Variants in ATP1A3 observed in about 807,000 individuals in gnomAD.
ATP1A3 encodes the protein sodium/potassium-transporting ATPase subunit alpha-3.
ATP1A3 carries 12 observed loss-of-function variants against 108.8 expected under a neutral mutation model. The observed-to-expected ratio is 0.11, with a 90% CI of 0.07 to 0.18. ATP1A3 has a LOEUF of 0.18. ATP1A3 is among the 10% of genes least tolerant of loss of function. The pLI is 1.00. For missense variants in ATP1A3, 498 were observed against 1,387.7 expected (o/e 0.36, Z 10.19); for synonymous variants, 539 against 564.5 (o/e 0.95, Z 0.64).
rs1599715698 is a variant in ATP1A3 at position 41,978,459 on chromosome 19, T to C, written c.1631-133A>G. The C allele has an allele frequency of 1.4e-6, 2 of 1,451,220 alleles. No individual in the cohort carries two copies. The highest frequency in any genetic ancestry group is 1.9e-6 in the Non-Finnish European group (2 of 1,060,268). 89.9% of individuals were successfully genotyped at this position (1,451,220 alleles called of 1,614,324 possible). ...GCCAGTCAGCATTCATTTCCTAGGA[T>C]ACCTTCCCCTCTCATCCATCCATTC... On this transcript the variant is annotated intron_variant, in intron 12 of 22. Coordinates refer to ENST00000648268, the MANE Select transcript of ATP1A3 (RefSeq NM_152296.5). This position sits in a 1 kb window ranked among gnomAD's most constrained non-coding sequence, Gnocchi z 8.3.
At position 41,984,066 on chromosome 19, in the gene ATP1A3, C is replaced by T. The variant is rs367952055; in HGVS notation, c.993+852G>A. 9.9e-5 allele frequency among the ~76,000 whole-genome samples: 15 copies of T among 152,086 alleles called. No homozygotes were observed. The South Asian group carries it at 2.3e-3, about 23-fold the overall frequency. On this transcript the variant is annotated intron_variant, in intron 8 of 22. Coordinates refer to ENST00000648268, the MANE Select transcript of ATP1A3 (RefSeq NM_152296.5). ...TTGGGACTACAGGCATGAGCCACTG[C>T]GCCCAGCCTTCACATTTTTTGGTAG...
At chr19:41,993,518 CACACA>C in intron 1 of ATP1A3, 1 of 1,191,282 alleles carries the variant, frequency 8.4e-7, no homozygotes, top group South Asian at 1.5e-5. Flanking sequence ...CACACACACA[CACACA>C]CACACACACA....
chr19:41,967,873 A>G lies in ATP1A3; in HGVS notation c.2820-110T>C. ...CAGACACCCAGAGACAGCAGCACAG[A>G]CACAGAGACAGAGAGGCAGAGACAT... On this transcript the variant is annotated intron_variant, in intron 20 of 22. Coordinates refer to ENST00000648268, the MANE Select transcript of ATP1A3 (RefSeq NM_152296.5). This position sits in a 1 kb window ranked among gnomAD's most constrained non-coding sequence, Gnocchi z 4.2. The G allele has an allele frequency of 1.1e-6, 1 of 898,298 alleles. No homozygotes were observed. The highest frequency in any genetic ancestry group is 1.8e-6 in the Non-Finnish European group (1 of 549,912). The allele number at this position is 898,298 out of a possible 1,614,324, so 55.6% of individuals were successfully genotyped here.
Position 41,970,270 on chromosome 19 carries a change from G to T in ATP1A3, c.2457C>A (p.Ser819Arg). 1 of 1,614,166 alleles carries T rather than the reference G, an allele frequency of 6.2e-7. No individual in the cohort carries two copies. ...AISLAYEAAE[S>R]DIMKRQPRNP... is the part of the protein sequence containing the mutation. ...TCCTGGGCTGTCTCTTCATGATGTC[G>T]CTTTCGGCAGCCTCGTACGCCAGTG... is the stretch of plus-strand genomic sequence containing the variant. Residue 819 changes from serine to arginine, a missense_variant, in exon 18 of 23, where the codon AGC (serine) becomes AGA (arginine). Ser to Arg is a moderately radical substitution (Grantham distance 110, BLOSUM62 -1). This residue lies in a region of ATP1A3 where 121 missense variants were observed against 425.1 expected (regional missense o/e 0.28). Coordinates refer to ENST00000648268, the MANE Select transcript of ATP1A3 (RefSeq NM_152296.5).
chr19:41,971,566 G>T (rs1290439684), intron 16 of ATP1A3, among the ~76,000 whole-genome samples: 3 of 152,134 alleles, frequency 2.0e-5, no homozygotes, highest in African/African-American at 7.2e-5. Flanking sequence ...ATACTACACA[G>T]CAAGAAGGGG....
intron 8 of ATP1A3, among the ~76,000 whole-genome samples, chr19:41,982,956 A>G (rs1369023177): frequency 6.6e-6 from 1 of 152,232 alleles, no homozygotes; most frequent in East Asian, 1.9e-4. Flanking sequence ...GTTGCAGCTG[A>G]CGTGATTCTG....
At position 41,968,762 on chromosome 19, in the gene ATP1A3, C is replaced by A. The variant is rs1555859137; in HGVS notation, c.2819+23G>T. 6.2e-7 allele frequency: 1 copy of A among 1,613,568 alleles called. No individual in the cohort carries two copies. Among genetic ancestry groups the A allele is most frequent in the South Asian group, 1.1e-5 (1 of 91,074 alleles). ...CGGACAGGACAGATGGCTGTCCAGT[C>A]ACCATGTGCCCCCGGCCCTCACTTC... On this transcript the variant is annotated intron_variant, in intron 20 of 22. Transcript: ENST00000648268. This position sits in a 1 kb window ranked among gnomAD's most constrained non-coding sequence, Gnocchi z 5.0.
Position 41,966,806 on chromosome 19 carries a change from G to C in ATP1A3, c.*131C>G. On this transcript the variant is annotated 3_prime_UTR_variant, in exon 23 of 23. Coordinates refer to ENST00000648268, the MANE Select transcript of ATP1A3 (RefSeq NM_152296.5). ...GTGGGGGCGGCAGGAGATAGTGGAG[G>C]GGGTGGGGGCCAAGGTGGGGCCACA... The C allele has an allele frequency of 1.3e-6, 2 of 1,537,230 alleles. No individual in the cohort carries two copies. Among genetic ancestry groups the C allele is most frequent in the Non-Finnish European group, 1.8e-6 (2 of 1,137,576 alleles).
chr19:41,988,544 C>T lies in ATP1A3; in HGVS notation c.25G>A (p.Asp9Asn), dbSNP rs2075307477. Residue 9 changes from aspartate (D) to asparagine (N), a missense_variant, in exon 2 of 23, where the codon GAC becomes AAC. Transcript: ENST00000648268. This position sits in a 1 kb window ranked among gnomAD's most constrained non-coding sequence, Gnocchi z 5.3. Reference protein sequence around the residue: MGDKKDDKDSPKKNKGKER... With the variant: MGDKKDDKNSPKKNKGKER... ...TTGCCCTTGTTCTTCTTGGGTGAGT[C>T]CTTGTCATCTTTCTTGTCCTGCGAG... The T allele has an allele frequency of 1.2e-6, 2 of 1,614,156 alleles. No homozygotes were observed. The highest frequency in any genetic ancestry group is 1.7e-6 in the Non-Finnish European group (2 of 1,180,038).
chr19:41,977,762 T>G (rs1367947100), intron 14 of ATP1A3, among the ~76,000 whole-genome samples, 174 bp downstream of exon 14: 2 of 152,142 alleles, frequency 1.3e-5, no homozygotes, highest in African/African-American at 4.8e-5. Context: ...CCTGGCTACC[T>G]CTGTGGCTGC....
In ATP1A3 at chr19:41,988,969, A is replaced by G. The variant is rs1204057139; in HGVS notation, c.7-407T>C. ...GACTTTGTTTTCGTTTTTTGAAACA[A>G]TGTCTCACTCTGATGCCCAGGCTGG... On this transcript the variant is annotated intron_variant, in intron 1 of 22. Coordinates refer to ENST00000648268, the MANE Select transcript of ATP1A3 (RefSeq NM_152296.5). This position sits in a 1 kb window ranked among gnomAD's most constrained non-coding sequence, Gnocchi z 5.3. Among the ~76,000 whole-genome samples, 1 of 152,086 alleles carries G rather than the reference A, an allele frequency of 6.6e-6. No individual in the cohort carries two copies. Among genetic ancestry groups the G allele is most frequent in the Admixed American group, 6.5e-5 (1 of 15,268 alleles).
At position 41,981,644 on chromosome 19, in the gene ATP1A3, G is replaced by C. The variant is rs1555863403; in HGVS notation, c.1303-8C>G. 1 of 1,614,196 alleles carries C rather than the reference G, an allele frequency of 6.2e-7. No individual in the cohort carries two copies. Among genetic ancestry groups the C allele is most frequent in the South Asian group, 1.1e-5 (1 of 91,082 alleles). The stretch of plus-strand genomic sequence containing the variant: ...ATCCCCAGCCACATCCCTCTGCAAG[G>C]AGAAAGGGTTGTCAGAACAGGGACA... On this transcript the variant is annotated splice_region_variant and splice_polypyrimidine_tract_variant and intron_variant, in intron 10 of 22. Coordinates refer to ENST00000648268, the MANE Select transcript of ATP1A3 (RefSeq NM_152296.5). The surrounding 1 kb of genome is among the most constrained non-coding windows in gnomAD (Gnocchi z 5.0).
chr19:41,984,996 G>A lies in ATP1A3; in HGVS notation c.915C>T (p.Tyr305=), dbSNP rs199711612. ...SFFILSLILG[Y]TWLEAVIFLI... ...GGAAGATGACAGCCTCAAGCCAGGT[G>A]TATCCGAGAATGAGGGAGAGGATGA... The change falls in exon 8 of 23, where the codon TAC becomes TAT. Residue 305 remains tyrosine, a synonymous_variant. Coordinates refer to ENST00000648268, the MANE Select transcript of ATP1A3 (RefSeq NM_152296.5). 9.2e-5 allele frequency: 149 copies of A among 1,614,136 alleles called. No individual in the cohort carries two copies. Among genetic ancestry groups the A allele is most frequent in the Non-Finnish European group, 1.4e-5 (16 of 1,180,004 alleles).
At chr19:41,975,498 C>T (rs2075156065) in intron 16 of ATP1A3, 131 bp downstream of exon 16, 2 of 1,356,300 alleles carry the variant, frequency 1.5e-6, no homozygotes, top group Non-Finnish European at 2.0e-6. Flanking sequence ...AGGACAGGCT[C>T]AGGCTCCTCC....
At position 41,975,439 on chromosome 19, in the gene ATP1A3, C is replaced by T. The variant is rs950989224; in HGVS notation, c.2263+190G>A. Among the ~76,000 whole-genome samples the T allele has an allele frequency of 5.3e-5, 8 of 152,324 alleles. No homozygotes were observed. The Middle Eastern group carries it at 0.01, about 194-fold the overall frequency. The stretch of plus-strand genomic sequence containing the variant: ...GCAGGGACCCTGAAGTGTGTCAGCT[C>T]AGTCCTGCCCAGGGGAGCTCCCGAC... On this transcript the variant is annotated intron_variant, in intron 16 of 22. Transcript: ENST00000648268.
In ATP1A3 at chr19:41,978,466, C is replaced by T. The variant is rs7252260; in HGVS notation, c.1630+140G>A. On this transcript the variant is annotated intron_variant, in intron 12 of 22. Coordinates refer to ENST00000648268, the MANE Select transcript of ATP1A3 (RefSeq NM_152296.5). This position sits in a 1 kb window ranked among gnomAD's most constrained non-coding sequence, Gnocchi z 8.3. ...AGCATTCATTTCCTAGGATACCTTC[C>T]CCTCTCATCCATCCATTCATTCATT... The T allele has an allele frequency of 2.7e-6, 4 of 1,474,900 alleles. No homozygotes were observed. The African/African-American group carries it at 4.2e-5, about 15-fold the overall frequency. The allele number at this position is 1,474,900 out of a possible 1,614,324, so 91.4% of individuals were successfully genotyped here.
intron 8 of ATP1A3, among the ~76,000 whole-genome samples, chr19:41,982,797 T>C (rs980162894): frequency 1.2e-4 from 18 of 152,302 alleles, no homozygotes; most frequent in Middle Eastern, 3.4e-3. Context: ...GAGCCAGAAA[T>C]GAGTTCATAC....
At position 41,966,775 on chromosome 19, in the gene ATP1A3, G is replaced by C. The variant is rs1555858609; in HGVS notation, c.*162C>G. ...GGTTTGGGGCAGGGGAGAGAAGCCA[G>C]CCAGAGTGGGGGCGGCAGGAGATAG... On this transcript the variant is annotated 3_prime_UTR_variant, in exon 23 of 23. Coordinates refer to ENST00000648268, the MANE Select transcript of ATP1A3 (RefSeq NM_152296.5). 6.7e-7 allele frequency: 1 copy of C among 1,498,064 alleles called. No individual in the cohort carries two copies. The highest frequency in any genetic ancestry group is 9.0e-7 in the Non-Finnish European group (1 of 1,108,158). The allele number at this position is 1,498,064 out of a possible 1,614,324, so 92.8% of individuals were successfully genotyped here.
chr19:41,973,696 G>C (rs1599710552), intron 16 of ATP1A3, among the ~76,000 whole-genome samples: 1 of 152,212 alleles, frequency 6.6e-6, no homozygotes, highest in Non-Finnish European at 1.5e-5. Flanking sequence ...TTACATATCT[G>C]TTAACTTGTT....
Sources: gnomAD v4.1 joint callset for allele counts (sites outside exome capture counted in the v4.1 genomes callset) on GRCh38, gnomAD v4.1.1 for gene constraint, gnomAD v4.1.1 regional missense constraint, Gnocchi (gnomAD v3.1) non-coding constraint, MANE v1.5 for transcripts, NCBI Gene and HGNC (gene_info 2026-07-23, HGNC 2026-07-21) for gene names.